The following ROBO1 variants were observed in gnomAD, a reference collection of about 807,000 sequenced individuals.
The protein encoded by ROBO1 is roundabout guidance receptor 1, also known as roundabout homolog 1.
A neutral mutation model predicts 195.9 loss-of-function variants in ROBO1; 149 were observed. That is an observed-to-expected ratio of 0.76 (90% CI 0.67 to 0.87). The LOEUF (loss-of-function observed/expected upper bound fraction) is 0.87. Ranked by LOEUF, ROBO1 falls within the 40% of genes least tolerant of loss-of-function variation. The pLI, the probability that ROBO1 is intolerant of heterozygous loss-of-function variation, is 0.00. For missense variants in ROBO1, 1,933 were observed against 2,068.3 expected, an observed-to-expected ratio of 0.93 and a Z score of 1.27; for synonymous variants, 816 against 733.2, an observed-to-expected ratio of 1.11 and a Z score of -1.82.
In ROBO1 at chr3:78,945,057, AG is replaced by A. The variant is rs2040351348; in HGVS notation, c.173-6131del. On this transcript the variant is annotated intron_variant, in intron 3 of 30. Coordinates refer to ENST00000464233, the MANE Select transcript of ROBO1 (RefSeq NM_002941.4). Reference sequence around the variant, plus strand: ...GGGTGAAGCCCACCACAGCTCAAGGAGGCCTGCCTGCCCCTGTAGGCTCCAC... The same window carrying A: ...GGGTGAAGCCCACCACAGCTCAAGGAGCCTGCCTGCCCCTGTAGGCTCCAC... 2.0e-5 allele frequency among the ~76,000 whole-genome samples: 3 copies of A among 152,206 alleles called. No homozygotes were observed. The South Asian group carries it at 6.2e-4, about 32-fold the overall frequency.
intron 3 of ROBO1, among the ~76,000 whole-genome samples, chr3:79,012,283 A>T (rs924113988): frequency 2.0e-5 from 3 of 152,194 alleles, no homozygotes; most frequent in Non-Finnish European, 4.4e-5. Context: ...ACACAAAAAG[A>T]CTATATTCCC....
intron 1 of ROBO1, among the ~76,000 whole-genome samples, chr3:79,688,713 A>T (rs1364157443): frequency 6.6e-6 from 1 of 152,122 alleles, no homozygotes; most frequent in Non-Finnish European, 1.5e-5. Flanking sequence ...AATTCAAATC[A>T]AAACTATCGC....
At position 78,597,876 on chromosome 3, in the gene ROBO1, T is replaced by G. The variant is rs1702926284; in HGVS notation, c.*1037A>C. 1 of 152,128 alleles carries G rather than the reference T, an allele frequency of 6.6e-6. No homozygotes were observed. Among genetic ancestry groups the G allele is most frequent in the South Asian group, 2.1e-4 (1 of 4,816 alleles). The allele number at this position is 152,128 out of a possible 1,614,324, so 9.4% of individuals were successfully genotyped here. ...GTTAAAAACGCTTCTCAACATTTTT[T>G]TTTTCAATAAGACAAAAAAGGTTAA... On this transcript the variant is annotated 3_prime_UTR_variant, in exon 31 of 31. Coordinates refer to ENST00000464233, the MANE Select transcript of ROBO1 (RefSeq NM_002941.4).
chr3:78,923,417 A>G (rs2039049593), intron 4 of ROBO1, among the ~76,000 whole-genome samples: 1 of 152,138 alleles, frequency 6.6e-6, no homozygotes, highest in South Asian at 2.1e-4. Context: ...GGGACTGATT[A>G]ATATCTTCCC....
intron 2 of ROBO1, among the ~76,000 whole-genome samples, chr3:79,203,771 G>A (rs1262854577): frequency 6.6e-6 from 1 of 152,118 alleles, no homozygotes; most frequent in African/African-American, 2.4e-5. Context: ...TGCACCAGAG[G>A]TGCAGAGGAT....
intron 2 of ROBO1, among the ~76,000 whole-genome samples, chr3:79,550,968 G>T (rs1559985224): frequency 6.6e-6 from 1 of 152,008 alleles, no homozygotes; most frequent in Admixed American, 6.6e-5. Flanking sequence ...CATGGGACTG[G>T]GTTAGCTATA....
chr3:79,344,798 G>T (rs1264109092), intron 2 of ROBO1, among the ~76,000 whole-genome samples: 1 of 152,030 alleles, frequency 6.6e-6, no homozygotes, highest in Non-Finnish European at 1.5e-5. Flanking sequence ...TAATCCCCAC[G>T]TGTCAAGGGA....
At chr3:79,560,647 C>G (rs1053033267) in intron 2 of ROBO1, among the ~76,000 whole-genome samples, 1 of 149,854 alleles carries the variant, frequency 6.7e-6, no homozygotes, top group African/African-American at 2.5e-5. Flanking sequence ...CCTAGTGGCC[C>G]CCTCATCTTC....
At chr3:79,712,218 T>C (rs753378888) in intron 1 of ROBO1, among the ~76,000 whole-genome samples, 9 of 152,154 alleles carry the variant, frequency 5.9e-5, no homozygotes, top group Non-Finnish European at 1.3e-4. Flanking sequence ...AAAGCTGAGA[T>C]AGGCTGAAAG....
Position 79,108,247 on chromosome 3 carries a change from A to T in ROBO1, c.172+17209T>A, listed in dbSNP as rs72894176. Among the ~76,000 whole-genome samples the T allele has an allele frequency of 8.0e-3, 1,210 of 151,904 alleles. 13 individuals are homozygous for T. Among genetic ancestry groups the T allele is most frequent in the African/African-American group, 0.028 (1,144 of 41,522 alleles). On this transcript the variant is annotated intron_variant, in intron 3 of 30. Transcript: ENST00000464233. ...AAATGTCTCATTCATGTAAGACAGC[A>T]GAAGCAACAGGGAAGTTACAGTTAC...
At chr3:78,754,746 A>C (rs1309598352) in intron 4 of ROBO1, among the ~76,000 whole-genome samples, 1 of 152,178 alleles carries the variant, frequency 6.6e-6, no homozygotes, top group African/African-American at 2.4e-5. Context: ...TACAACTATA[A>C]TTGTGATACA....
At chr3:79,034,178 C>T (rs995207820) in intron 3 of ROBO1, among the ~76,000 whole-genome samples, 4 of 152,106 alleles carry the variant, frequency 2.6e-5, no homozygotes, top group African/African-American at 9.7e-5. Flanking sequence ...ATTATTATAA[C>T]AAAATGATGT....
At chr3:78,733,296 T>G (rs1262840104) in intron 5 of ROBO1, among the ~76,000 whole-genome samples, 3 of 152,158 alleles carry the variant, frequency 2.0e-5, no homozygotes, top group African/African-American at 7.2e-5. Flanking sequence ...ACTAAAAGCC[T>G]TAAGAAAATT....
intron 2 of ROBO1, among the ~76,000 whole-genome samples, chr3:79,474,804 G>A (rs1938464664): frequency 6.6e-6 from 1 of 151,906 alleles, no homozygotes; most frequent in East Asian, 1.9e-4. Context: ...GTTTAACCTT[G>A]CATTTTCCTA....
At chr3:79,060,318 T>C (rs4068897) in intron 3 of ROBO1, among the ~76,000 whole-genome samples, 146,326 of 152,020 alleles carry the variant, frequency 0.96, 70,683 homozygotes, top group East Asian at 1. Context: ...CACTCTGCTT[T>C]TCTGCCCGTG....
intron 1 of ROBO1, among the ~76,000 whole-genome samples, chr3:79,700,677 GA>G (rs56236356): frequency 1.3e-5 from 2 of 151,662 alleles, no homozygotes; most frequent in African/African-American, 4.8e-5. Context: ...GTCTTCTTTT[GA>G]AAAGTGCCTG....
intron 8 of ROBO1, 130 bp downstream of exon 8, chr3:78,714,267 G>A: frequency 2.3e-6 from 2 of 871,036 alleles, no homozygotes; most frequent in South Asian, 3.4e-5. Flanking sequence ...AAATATGTTT[G>A]AAATACATTA....
At chr3:79,644,245 A>G (rs1945751315) in intron 1 of ROBO1, among the ~76,000 whole-genome samples, 1 of 152,174 alleles carries the variant, frequency 6.6e-6, no homozygotes, top group African/African-American at 2.4e-5. Context: ...GGTAGACTAC[A>G]ATACAGTAAA....
At chr3:79,115,334 A>C (rs144937220) in intron 3 of ROBO1, among the ~76,000 whole-genome samples, 1 of 152,174 alleles carries the variant, frequency 6.6e-6, no homozygotes, top group African/African-American at 2.4e-5. Context: ...ATATGTAACA[A>C]CAAAGTCTGG....
Sources: gnomAD v4.1 joint callset for allele counts (sites outside exome capture counted in the v4.1 genomes callset) on GRCh38, gnomAD v4.1.1 for gene constraint, MANE v1.5 for transcripts, NCBI Gene and HGNC (gene_info 2026-07-23, HGNC 2026-07-21) for gene names.